GRK5: variants seen among roughly 807,000 people sequenced by gnomAD.
GRK5 encodes g protein-coupled receptor kinase GRK5.
A neutral mutation model predicts 78.4 loss-of-function variants in GRK5; 40 were observed. The ratio of observed to expected loss-of-function variants is 0.51; its 90% confidence interval spans 0.40 to 0.66. The LOEUF (loss-of-function observed/expected upper bound fraction) is 0.66. Ranked by LOEUF, GRK5 falls within the 30% of genes least tolerant of loss-of-function variation. The probability of loss-of-function intolerance (pLI) is 0.00; values close to 1 mark genes in which losing one functional copy is unlikely to be tolerated. For missense variants in GRK5, 598 were observed against 759.9 expected (o/e 0.79, Z 2.50); for synonymous variants, 289 against 296.8 (o/e 0.97, Z 0.27).
intron 4 of GRK5, among the ~76,000 whole-genome samples, chr10:119,417,630 C>T (rs1852486888): frequency 7.0e-6 from 1 of 142,694 alleles, no homozygotes; most frequent in Non-Finnish European, 1.5e-5. Context: ...ACATCATCCA[C>T]ACCATGCCTG....
intron 1 of GRK5, among the ~76,000 whole-genome samples, chr10:119,225,997 C>T (rs1164897635): frequency 9.2e-5 from 14 of 151,844 alleles, no homozygotes; most frequent in African/African-American, 3.1e-4. Flanking sequence ...TACAGGTGCC[C>T]GCCACCATGC....
intron 1 of GRK5, among the ~76,000 whole-genome samples, chr10:119,275,613 G>GCGCACACACACACACACACACA (rs1195537574): frequency 3.1e-4 from 37 of 120,752 alleles, no homozygotes; most frequent in African/African-American, 1.0e-3. Context: ...TCTCTCTCTC[G>GCGCACACACACACACACACACA]CACACACACA....
chr10:119,281,513 G>A (rs928867185), intron 1 of GRK5, among the ~76,000 whole-genome samples: 3 of 152,218 alleles, frequency 2.0e-5, no homozygotes, highest in African/African-American at 7.2e-5. Context: ...CCTGGTGCTT[G>A]TATGCGGATG....
chr10:119,260,424 T>TA (rs1481816670), intron 1 of GRK5, among the ~76,000 whole-genome samples: 5 of 151,198 alleles, frequency 3.3e-5, no homozygotes, highest in Middle Eastern at 3.2e-3. Context: ...TTTTTTTTTT[T>TA]ATTGATCATT....
intron 1 of GRK5, among the ~76,000 whole-genome samples, chr10:119,261,390 G>A (rs1238991690): frequency 6.7e-6 from 1 of 149,822 alleles, no homozygotes; most frequent in Non-Finnish European, 1.5e-5. Context: ...TGGCGGCCGG[G>A]CAGAGACGCT....
rs759135424 is a variant in GRK5, at chr10:119,436,768, G to A, written c.856G>A (p.Glu286Lys). The A allele has an allele frequency of 6.2e-7, 1 of 1,614,058 alleles. No homozygotes were observed. The highest frequency in any genetic ancestry group is 1.3e-5 in the African/African-American group (1 of 74,950). ...CATGGGCAACCCTGGCTTCGAGGAG[G>A]AGCGGGCCTTGTTTTATGCGGCAGA... The part of the protein sequence containing the change: ...YNMGNPGFEE[E>K]RALFYAAEIL... The change falls in exon 9 of 16, where the codon GAG becomes AAG. Residue 286 changes from glutamate (E) to lysine (K), a missense_variant. Coordinates refer to ENST00000392870, the MANE Select transcript of GRK5 (RefSeq NM_005308.3).
At chr10:119,376,563 T>C (rs1851624159) in intron 2 of GRK5, among the ~76,000 whole-genome samples, 1 of 15,030 alleles carries the variant, frequency 6.7e-5, no homozygotes, top group African/African-American at 1.9e-4. Flanking sequence ...CCTAATGCCT[T>C]TTTTTTTTTT....
At chr10:119,341,498 C>T (rs975410910) in intron 2 of GRK5, among the ~76,000 whole-genome samples, 5 of 152,216 alleles carry the variant, frequency 3.3e-5, no homozygotes, top group African/African-American at 9.6e-5. Context: ...TGGTAATCAA[C>T]TCAACCTTAG....
intron 1 of GRK5, among the ~76,000 whole-genome samples, chr10:119,280,275 A>G (rs1010359258): frequency 1.3e-5 from 2 of 152,248 alleles, no homozygotes; most frequent in Non-Finnish European, 2.9e-5. Flanking sequence ...TCCTGAGGCC[A>G]TGGTGACAAA....
chr10:119,406,563 G>A, intron 4 of GRK5: 1 of 770,344 alleles, frequency 1.3e-6, no homozygotes, highest in African/African-American at 1.9e-5. Flanking sequence ...AGATTGCCCG[G>A]CCCTCATTTC....
chr10:119,418,186 G>GAGAGGC (rs373437391), intron 4 of GRK5, among the ~76,000 whole-genome samples: 2,559 of 152,308 alleles, frequency 0.017, 73 homozygotes, highest in African/African-American at 0.059. Context: ...CATCCCAAGA[G>GAGAGGC]AGAGGCAGGG....
intron 2 of GRK5, among the ~76,000 whole-genome samples, chr10:119,346,011 G>A (rs777550772): frequency 6.7e-6 from 1 of 149,306 alleles, no homozygotes; most frequent in Non-Finnish European, 1.5e-5. Flanking sequence ...CAAGGCCCTA[G>A]AGCATTCCAC....
intron 3 of GRK5, among the ~76,000 whole-genome samples, chr10:119,394,189 T>TGGGTGTGTGTGGG (rs1851945186): frequency 6.8e-6 from 1 of 146,568 alleles, no homozygotes. Context: ...TGGGTGTCTG[T>TGGGTGTGTGTGGG]GTATGGGGGT....
chr10:119,304,425 G>A (rs1368937325), intron 1 of GRK5, among the ~76,000 whole-genome samples: 1 of 151,680 alleles, frequency 6.6e-6, no homozygotes, highest in Admixed American at 6.6e-5. Context: ...CTGAGTAGCT[G>A]GGATTACAGG....
At chr10:119,409,709 C>G (rs1852301855) in intron 4 of GRK5, among the ~76,000 whole-genome samples, 1 of 108,452 alleles carries the variant, frequency 9.2e-6, no homozygotes, top group Middle Eastern at 6.4e-3. Context: ...AGATTCCTGC[C>G]CCCTGCCCCC....
chr10:119,353,931 T>C (rs1331101725), intron 2 of GRK5, among the ~76,000 whole-genome samples: 3 of 119,490 alleles, frequency 2.5e-5, no homozygotes, highest in East Asian at 4.4e-4. Context: ...ATTTTTTCTT[T>C]CTTTTTTTTT....
chr10:119,421,792 G>A (rs1852574809), intron 4 of GRK5, among the ~76,000 whole-genome samples: 1 of 152,338 alleles, frequency 6.6e-6, no homozygotes, highest in Admixed American at 6.5e-5. Flanking sequence ...AGACCCTGAG[G>A]GCAGGGGTGA....
At chr10:119,308,523 T>C (rs907980758) in intron 1 of GRK5, among the ~76,000 whole-genome samples, 2 of 152,170 alleles carry the variant, frequency 1.3e-5, no homozygotes, top group African/African-American at 2.4e-5. Flanking sequence ...CCATGGAGCT[T>C]CCCTTGGCCC....
rs1317563606 is a variant in GRK5 at position 119,452,421 on chromosome 10, G to A, written c.1405-250G>A. On this transcript the variant is annotated intron_variant, in intron 13 of 15. Coordinates refer to ENST00000392870, the MANE Select transcript of GRK5 (RefSeq NM_005308.3). The surrounding 1 kb of genome is among the most constrained non-coding windows in gnomAD (Gnocchi z 4.4). Reference sequence around the variant, plus strand: ...TGAGAGAGGGCTGCACTGTCATCTGGAGGGGTCGCACAAAAAAACCACAGG... The same window carrying A: ...TGAGAGAGGGCTGCACTGTCATCTGAAGGGGTCGCACAAAAAAACCACAGG... The A allele has an allele frequency of 2.0e-6, 1 of 511,374 alleles. No individual in the cohort carries two copies. Among genetic ancestry groups the A allele is most frequent in the Non-Finnish European group, 3.5e-6 (1 of 283,120 alleles). 31.7% of individuals were successfully genotyped at this position (511,374 alleles called of 1,614,324 possible).
Sources: allele counts gnomAD v4.1 joint callset (sites outside exome capture counted in the v4.1 genomes callset), GRCh38; gene constraint gnomAD v4.1.1; non-coding constraint Gnocchi (gnomAD v3.1); transcripts MANE v1.5; gene names NCBI Gene and HGNC (gene_info 2026-07-23, HGNC 2026-07-21).